Variants in TNIP3 observed in about 807,000 individuals in gnomAD.
TNIP3 encodes TNFAIP3 interacting protein 3.
A neutral mutation model predicts 54.1 loss-of-function variants in TNIP3; 34 were observed. That is an observed-to-expected ratio of 0.63 (90% CI 0.48 to 0.84). TNIP3 has a LOEUF of 0.84. Ranked by LOEUF, TNIP3 falls within the 40% of genes least tolerant of loss-of-function variation. The probability of loss-of-function intolerance (pLI) is 0.00; values close to 1 mark genes in which losing one functional copy is unlikely to be tolerated. For missense variants in TNIP3, 366 were observed against 387.6 expected (o/e 0.94, Z 0.47); for synonymous variants, 134 against 136.8 (o/e 0.98, Z 0.14).
At position 121,154,240 on chromosome 4, in the gene TNIP3, T is replaced by G. The variant is rs556538477; in HGVS notation, c.492+311A>C. 7.7e-4 allele frequency: 247 copies of G among 320,810 alleles called. 3 individuals are homozygous for G. Among genetic ancestry groups the G allele is most frequent in the South Asian group, 7.5e-3 (239 of 31,688 alleles). The allele number at this position is 320,810 out of a possible 1,614,324, so 19.9% of individuals were successfully genotyped here. A position where few individuals can be genotyped will look rare whatever the true frequency, so the allele number is the denominator to read the frequency against. Reference sequence around the variant, plus strand: ...TTGCGGTTGACCAAGAGATACGTTATTGTTCGCAAACACCCACTTGCTTTA... The same window carrying G: ...TTGCGGTTGACCAAGAGATACGTTAGTGTTCGCAAACACCCACTTGCTTTA... On this transcript the variant is annotated intron_variant, in intron 5 of 10. Coordinates refer to ENST00000057513, the MANE Select transcript of TNIP3 (RefSeq NM_024873.6).
At chr4:121,168,789 G>A (rs1560664963), upstream of TNIP3, among the ~76,000 whole-genome samples, 2 of 150,414 alleles carry the variant, frequency 1.3e-5, no homozygotes, top group African/African-American at 2.5e-5. Flanking sequence ...CAAAAAAAAT[G>A]CCTTTTAATA....
intron 1 of TNIP3, chr4:121,227,370 C>T (rs748341384): frequency 6.5e-6 from 10 of 1,535,140 alleles, no homozygotes; most frequent in Non-Finnish European, 7.9e-6. Flanking sequence ...AGGCACAAGA[C>T]ATTATGTTAC....
chr4:121,138,651 G>T lies in TNIP3; in HGVS notation c.919C>A (p.Pro307Thr). The T allele has an allele frequency of 1.2e-6, 2 of 1,614,086 alleles. No individual in the cohort carries two copies. The highest frequency in any genetic ancestry group is 2.2e-5 in the South Asian group (2 of 91,080). ...DYQWYALDQLPPDVQHKANGL... is the reference protein window; with the variant it reads ...DYQWYALDQLTPDVQHKANGL... ...TTTGCCTTGTGTTGTACATCTGGCG[G>T]AAGCTGGTCAAGAGCATACCACTGA... The change falls in exon 10 of 11, where the codon CCG becomes ACG. Residue 307 changes from proline (P) to threonine (T), a missense_variant. Coordinates refer to ENST00000057513, the MANE Select transcript of TNIP3 (RefSeq NM_024873.6).
chr4:121,203,482 G>A (rs114670396), intron 2 of TNIP3, among the ~76,000 whole-genome samples: 1,971 of 152,194 alleles, frequency 0.013, 47 homozygotes, highest in African/African-American at 0.045. Flanking sequence ...GAATGGGACA[G>A]GGGTGAGGGA....
chr4:121,204,770 A>C (rs188937364), intron 2 of TNIP3, among the ~76,000 whole-genome samples: 53 of 152,306 alleles, frequency 3.5e-4, no homozygotes, highest in African/African-American at 1.3e-3. Context: ...AACTTTTAAT[A>C]GTGCTTCTTG....
intron 9 of TNIP3, among the ~76,000 whole-genome samples, chr4:121,141,481 C>T (rs145642012): frequency 2.1e-3 from 327 of 152,244 alleles, no homozygotes; most frequent in African/African-American, 7.3e-3. Context: ...TCTTGTTTTG[C>T]CATATCCACT....
In TNIP3 at chr4:121,147,181, A is replaced by G; in HGVS notation, c.610-7T>C. 8 of 1,602,328 alleles carry G rather than the reference A, an allele frequency of 5.0e-6. No individual in the cohort carries two copies. The highest frequency in any genetic ancestry group is 5.1e-6 in the Non-Finnish European group (6 of 1,176,236). ...CTTCTTCGTATATTTGCACCTAAGAAATATTAGCTTGCTGTTACTGTAAGC... is the reference window on the plus strand; with the variant it reads ...CTTCTTCGTATATTTGCACCTAAGAGATATTAGCTTGCTGTTACTGTAAGC... On this transcript the variant is annotated splice_polypyrimidine_tract_variant and splice_region_variant and intron_variant, in intron 6 of 10. Coordinates refer to ENST00000057513, the MANE Select transcript of TNIP3 (RefSeq NM_024873.6).
chr4:121,219,055 C>T (rs1726924483), upstream of TNIP3, among the ~76,000 whole-genome samples: 1 of 152,070 alleles, frequency 6.6e-6, no homozygotes. Context: ...CAAAAATTAG[C>T]TGGGTGTGGT....
chr4:121,157,258 C>A lies in TNIP3; in HGVS notation c.214-15G>T. On this transcript the variant is annotated splice_polypyrimidine_tract_variant and intron_variant, in intron 3 of 10. Coordinates refer to ENST00000057513, the MANE Select transcript of TNIP3 (RefSeq NM_024873.6). Reference sequence around the variant, plus strand: ...AGCTCTGCTACCTGAGGAGGTCGTTCAAAGACAGCTGCAGATACCTTCTCT... The same window carrying A: ...AGCTCTGCTACCTGAGGAGGTCGTTAAAAGACAGCTGCAGATACCTTCTCT... 1 of 1,614,048 alleles carries A rather than the reference C, an allele frequency of 6.2e-7. No homozygotes were observed. The highest frequency in any genetic ancestry group is 2.2e-5 in the East Asian group (1 of 44,870).
At chr4:121,190,193 T>C (rs1051782545) in intron 2 of TNIP3, among the ~76,000 whole-genome samples, 2 of 152,306 alleles carry the variant, frequency 1.3e-5, no homozygotes, top group African/African-American at 4.8e-5. Flanking sequence ...GAAAACACAG[T>C]GTTTTAACAG....
chr4:121,151,058 G>A (rs1361868731), intron 5 of TNIP3, among the ~76,000 whole-genome samples: 2 of 152,208 alleles, frequency 1.3e-5, no homozygotes, highest in African/African-American at 2.4e-5. Flanking sequence ...AATATCATAT[G>A]AAAGACATTG....
chr4:121,200,847 T>C (rs1328257633), intron 2 of TNIP3, among the ~76,000 whole-genome samples: 3 of 152,178 alleles, frequency 2.0e-5, no homozygotes, highest in East Asian at 1.9e-4. Flanking sequence ...TCAGGCTCTG[T>C]TAAGAGAACA....
upstream of TNIP3, among the ~76,000 whole-genome samples, chr4:121,167,198 G>A (rs1730812665): frequency 6.6e-6 from 1 of 151,966 alleles, no homozygotes; most frequent in Non-Finnish European, 1.5e-5. Flanking sequence ...GAAAACAAAA[G>A]CAAAAATTCC....
rs1254815477 is a variant in TNIP3 at position 121,160,346 on chromosome 4, G to A, written c.147+790C>T. Among the ~76,000 whole-genome samples the A allele has an allele frequency of 2.6e-5, 4 of 152,200 alleles. No individual in the cohort carries two copies. In the East Asian group the frequency reaches 5.8e-4, roughly 22 times the overall value. On this transcript the variant is annotated intron_variant, in intron 2 of 10. Transcript: ENST00000057513. ...ATACAAATATTAGCTGGGCATGGTC[G>A]TGCACGCCTGTAATCCCAGCTACTT...
chr4:121,149,442 A>G (rs574951716), intron 6 of TNIP3, among the ~76,000 whole-genome samples: 1 of 152,208 alleles, frequency 6.6e-6, no homozygotes, highest in Non-Finnish European at 1.5e-5. Context: ...TTTCTGAAAA[A>G]GTCCAGAGTT....
rs145081004 is a variant in TNIP3 at position 121,181,087 on chromosome 4, A to C, written c.189+1589T>G. ...TAAATTTCAGTGAAGTCCCAAAAGG[A>C]GACATAACCTGTAGCTAAGAGGAAG... On this transcript the variant is annotated intron_variant, in intron 3 of 12. Coordinates refer to the TNIP3 transcript ENST00000507879. Among the ~76,000 whole-genome samples, 378 of 152,348 alleles carry C rather than the reference A, an allele frequency of 2.5e-3. 3 individuals are homozygous for C. Among genetic ancestry groups the C allele is most frequent in the African/African-American group, 8.8e-3 (364 of 41,568 alleles).
intron 5 of TNIP3, among the ~76,000 whole-genome samples, chr4:121,150,739 T>C (rs1656018218): frequency 1.3e-5 from 2 of 152,188 alleles, no homozygotes; most frequent in Admixed American, 1.3e-4. Context: ...TATATAACTA[T>C]GGCATGCCTC....
intron 3 of TNIP3, among the ~76,000 whole-genome samples, chr4:121,179,108 C>A (rs77526113): frequency 0.022 from 3,337 of 152,186 alleles, 77 homozygotes; most frequent in Admixed American, 0.036. Context: ...GCAAGGATTT[C>A]CAGAAAGAGT....
intron 2 of TNIP3, among the ~76,000 whole-genome samples, chr4:121,206,537 A>ATTGTGTGTGTGTGTGT (rs1726199656): frequency 2.0e-5 from 2 of 102,054 alleles, no homozygotes; most frequent in African/African-American, 9.7e-5. Flanking sequence ...ATTTGTATAT[A>ATTGTGTGTGTGTGTGT]TTGTGTGTGT....
Sources: gnomAD v4.1 joint callset for allele counts (sites outside exome capture counted in the v4.1 genomes callset) on GRCh38, gnomAD v4.1.1 for gene constraint, MANE v1.5 for transcripts, NCBI Gene and HGNC (gene_info 2026-07-23, HGNC 2026-07-21) for gene names.